Variants in LMLN observed in about 807,000 individuals in gnomAD.
LMLN encodes leishmanolysin like peptidase, also known as leishmanolysin-like peptidase.
A neutral mutation model predicts 92.3 loss-of-function variants in LMLN; 70 were observed. The ratio of observed to expected loss-of-function variants is 0.76; its 90% CI spans 0.63 to 0.92. LMLN has a LOEUF of 0.92. LMLN is among the 40% of genes least tolerant of loss of function. The pLI is 0.00. For synonymous variants in LMLN, 308 were observed against 296.2 expected, an observed-to-expected ratio of 1.04 and a Z score of -0.41; for missense variants, 691 against 814.6, an observed-to-expected ratio of 0.85 and a Z score of 1.85.
At chr3:197,981,226 G>T (rs1218044882) in intron 6 of LMLN, among the ~76,000 whole-genome samples, 3 of 151,946 alleles carry the variant, frequency 2.0e-5, no homozygotes, top group Non-Finnish European at 4.4e-5. Flanking sequence ...GCAAAAATTA[G>T]CCAGGAGTGG....
At chr3:197,988,007 C>T (rs181201399) in intron 8 of LMLN, among the ~76,000 whole-genome samples, 104 of 152,200 alleles carry the variant, frequency 6.8e-4, no homozygotes, top group African/African-American at 2.2e-3. Flanking sequence ...TTTCTAATCA[C>T]GTTGTAGGAG....
At chr3:198,030,915 CGTGAT>C (rs759683633) in intron 14 of LMLN, among the ~76,000 whole-genome samples, 7 of 139,674 alleles carry the variant, frequency 5.0e-5, no homozygotes, top group South Asian at 2.3e-4. Flanking sequence ...TAGTTTCCAC[CGTGAT>C]GTGACGCCTG....
chr3:197,988,075 AG>A (rs1721761069), intron 8 of LMLN, among the ~76,000 whole-genome samples: 1 of 151,848 alleles, frequency 6.6e-6, no homozygotes, highest in Admixed American at 6.6e-5. Flanking sequence ...TATTTCTCCT[AG>A]TTTATCTTTT....
Position 197,973,984 on chromosome 3 carries a change from C to A in LMLN, c.220-393C>A, listed in dbSNP as rs1000224685. ...CTGGAGAAAAAATTCAAAATGGAAA[C>A]CTCTTTCATAAATAAATTTTTGTCC... On this transcript the variant is annotated intron_variant, in intron 1 of 15. Coordinates refer to ENST00000330198, the Ensembl canonical transcript of LMLN. Among the ~76,000 whole-genome samples the A allele has an allele frequency of 5.3e-5, 8 of 152,200 alleles. No homozygotes were observed. In the East Asian group the frequency reaches 5.8e-4, roughly 11 times the overall value.
intron 1 of LMLN, among the ~76,000 whole-genome samples, chr3:197,965,858 T>C (rs1721043801): frequency 6.6e-6 from 1 of 152,150 alleles, no homozygotes; most frequent in South Asian, 2.1e-4. Context: ...AAGGCTGCAG[T>C]GAGCCAGGTT....
intron 14 of LMLN, 109 bp downstream of exon 15, chr3:198,024,897 T>C: frequency 1.2e-6 from 1 of 818,586 alleles, no homozygotes; most frequent in Non-Finnish European, 1.8e-6. Context: ...AATTTACTGA[T>C]CAATACTGTA....
chr3:197,992,089 CAAAAAAA>C (rs869163432), intron 9 of LMLN, among the ~76,000 whole-genome samples: 61 of 65,642 alleles, frequency 9.3e-4, no homozygotes, highest in African/African-American at 2.7e-3. Flanking sequence ...GACCCTGTCT[CAAAAAAA>C]AAAAAAAAAA....
intron 12 of LMLN, among the ~76,000 whole-genome samples, chr3:198,020,767 T>A (rs13078942): frequency 9.6e-6 from 1 of 103,672 alleles, no homozygotes; most frequent in South Asian, 3.0e-4. Flanking sequence ...CTAATTTTTG[T>A]ATTTTTTTTT....
intron 12 of LMLN, among the ~76,000 whole-genome samples, chr3:198,020,341 C>T (rs1422192960): frequency 1.3e-5 from 2 of 152,120 alleles, no homozygotes; most frequent in Non-Finnish European, 2.9e-5. Context: ...TTTAAAAAGC[C>T]TCAACTTTAC....
At chr3:197,972,006 C>T (rs577299657) in intron 1 of LMLN, among the ~76,000 whole-genome samples, 1 of 118,684 alleles carries the variant, frequency 8.4e-6, no homozygotes, top group East Asian at 2.6e-4. Flanking sequence ...TGGATAATGT[C>T]TAGATCTATC....
chr3:198,023,814 T>C (rs896093622), intron 13 of LMLN, among the ~76,000 whole-genome samples: 2 of 152,218 alleles, frequency 1.3e-5, no homozygotes, highest in African/African-American at 4.8e-5. Context: ...TCTTACTAGG[T>C]TGGTGGAAGA....
At position 197,983,453 on chromosome 3, in the gene LMLN, T is replaced by A. The variant is rs570252619; in HGVS notation, c.729-490T>A. Reference sequence around the variant, plus strand: ...GAAGAAGATGATGGGATGGTAGAAATATTTATGTGAATGTAGGCAGTGTTG... The same window carrying A: ...GAAGAAGATGATGGGATGGTAGAAAAATTTATGTGAATGTAGGCAGTGTTG... On this transcript the variant is annotated intron_variant, in intron 6 of 15. Transcript: ENST00000330198. Among the ~76,000 whole-genome samples the A allele has an allele frequency of 7.4e-4, 112 of 152,220 alleles. 1 individual carries two copies. Among genetic ancestry groups the A allele is most frequent in the African/African-American group, 2.6e-3 (109 of 41,534 alleles).
At chr3:198,001,560 T>C (rs576893459) in intron 11 of LMLN, among the ~76,000 whole-genome samples, 1 of 152,360 alleles carries the variant, frequency 6.6e-6, no homozygotes, top group Non-Finnish European at 1.5e-5. Context: ...CACCTGTCAC[T>C]ATCTGGACAG....
At chr3:197,962,748 G>C (rs1720940311) in intron 1 of LMLN, among the ~76,000 whole-genome samples, 2 of 150,784 alleles carry the variant, frequency 1.3e-5, no homozygotes, top group African/African-American at 4.9e-5. Context: ...TATATGATGT[G>C]AGATAGGGGA....
intron 7 of LMLN, among the ~76,000 whole-genome samples, chr3:197,984,624 T>C (rs1721650448): frequency 6.6e-6 from 1 of 151,684 alleles, no homozygotes; most frequent in Non-Finnish European, 1.5e-5. Context: ...CTAATTTTTT[T>C]TTTTGATAGA....
At chr3:197,966,522 C>T (rs1445816731) in intron 1 of LMLN, among the ~76,000 whole-genome samples, 5 of 151,040 alleles carry the variant, frequency 3.3e-5, no homozygotes, top group Non-Finnish European at 7.4e-5. Flanking sequence ...AGAAAATTCC[C>T]TTCTATACCT....
chr3:198,009,847 G>GTGTATATATTAA (rs1722386691), intron 11 of LMLN, among the ~76,000 whole-genome samples: 1 of 152,066 alleles, frequency 6.6e-6, no homozygotes, highest in Admixed American at 6.6e-5. Flanking sequence ...TACATACTAG[G>GTGTATATATTAA]TGTATATATT....
At chr3:198,002,937 T>G in intron 11 of LMLN, 78 bp from the exon 12 acceptor site, 44 of 790,276 alleles carry the variant, frequency 5.6e-5, no homozygotes, top group Non-Finnish European at 6.9e-5. Context: ...TGCTCATTGT[T>G]GAGATTCTCA....
intron 8 of LMLN, among the ~76,000 whole-genome samples, chr3:197,990,244 G>C (rs1160439643): frequency 6.6e-6 from 1 of 151,540 alleles, no homozygotes; most frequent in Non-Finnish European, 1.5e-5. Flanking sequence ...TAAATTTTTT[G>C]TGGAGACAAG....
Sources: allele counts gnomAD v4.1 joint callset (sites outside exome capture counted in the v4.1 genomes callset), GRCh38; gene constraint gnomAD v4.1.1; transcripts MANE v1.5; gene names NCBI Gene and HGNC (gene_info 2026-07-23, HGNC 2026-07-21).